PUDP: variants seen among roughly 807,000 people sequenced by gnomAD.
PUDP encodes the protein pseudouridine 5'-phosphatase, also known as pseudouridine-5'-phosphatase.
PUDP carries 8 observed loss-of-function variants against 9.4 expected under a neutral mutation model. The ratio of observed to expected loss-of-function variants is 0.85; its 90% CI spans 0.50 to 1.53. PUDP has a LOEUF of 1.53. Ranked by LOEUF, PUDP falls within the 40% of genes most tolerant of loss-of-function variation. The pLI is 0.00. For missense variants in PUDP, 188 were observed against 189.7 expected (o/e 0.99, Z 0.05); for synonymous variants, 99 against 80.7 (o/e 1.23, Z -1.22).
chrX:6,807,402 G>A lies in PUDP; in HGVS notation c.*248-100936C>T, dbSNP rs139966515. On this transcript the variant is annotated intron_variant and NMD_transcript_variant, in intron 3 of 3. Coordinates refer to the PUDP transcript ENST00000655425. ...CTCTTTCCCTGATAACCAAAGTACC[G>A]ACCTAAATTAAATTGCTGACCGCAT... Among the ~76,000 whole-genome samples the A allele has an allele frequency of 3.8e-3, 420 of 111,770 alleles. 2 individuals are homozygous for A. Among genetic ancestry groups the A allele is most frequent in the African/African-American group, 0.013 (389 of 30,760 alleles).
intron 3 of PUDP, among the ~76,000 whole-genome samples, chrX:6,848,245 C>T (rs1278875066): frequency 8.9e-6 from 1 of 111,919 alleles, no homozygotes; most frequent in East Asian, 2.8e-4. Flanking sequence ...GAACTGTAGG[C>T]AGCCAGTTGC....
At chrX:6,792,630 T>C (rs1445939367) in intron 3 of PUDP, among the ~76,000 whole-genome samples, 1 of 111,916 alleles carries the variant, frequency 8.9e-6, no homozygotes, top group African/African-American at 3.2e-5. Flanking sequence ...GGTTTACTCC[T>C]ATTAGATCCC....
At chrX:6,984,643 C>CA (rs1470223273) in intron 1 of PUDP, among the ~76,000 whole-genome samples, 1 of 111,496 alleles carries the variant, frequency 9.0e-6, no homozygotes, top group Non-Finnish European at 1.9e-5. Context: ...CCTCCTGGTA[C>CA]ATTAATTAGA....
chrX:6,732,068 G>C (rs1296784008), intron 3 of PUDP, among the ~76,000 whole-genome samples: 1 of 111,701 alleles, frequency 9.0e-6, no homozygotes, highest in Non-Finnish European at 1.9e-5. Context: ...GGAATAGTTT[G>C]ATCCCTTTAT....
At chrX:7,045,792 C>T (rs1325167835), downstream of PUDP, among the ~76,000 whole-genome samples, 2 of 111,716 alleles carry the variant, frequency 1.8e-5, no homozygotes, top group Non-Finnish European at 3.8e-5. Flanking sequence ...AAAACCTGAA[C>T]GGTAGCTAGA....
rs777774891 is a variant in PUDP, at chrX:6,944,398, C to T, written c.*247+32735G>A. Among the ~76,000 whole-genome samples the T allele has an allele frequency of 4.5e-5, 5 of 111,493 alleles. No homozygotes were observed. In the East Asian group the frequency reaches 1.4e-3, roughly 32 times the overall value. On this transcript the variant is annotated intron_variant and NMD_transcript_variant, in intron 3 of 3. Transcript: ENST00000655425. Reference sequence around the variant, plus strand: ...ATCTTTACAGCAGTGTGAAAATGAACTAATACATGGAATGATTCCACATTA... The same window carrying T: ...ATCTTTACAGCAGTGTGAAAATGAATTAATACATGGAATGATTCCACATTA...
chrX:6,941,963 A>G (rs1928405806), intron 3 of PUDP, among the ~76,000 whole-genome samples: 1 of 111,967 alleles, frequency 8.9e-6, no homozygotes, highest in South Asian at 3.7e-4. Flanking sequence ...AAAGTCAAAT[A>G]CTGCATGTTC....
intron 3 of PUDP, among the ~76,000 whole-genome samples, chrX:6,751,074 G>A (rs1461672899): frequency 9.1e-6 from 1 of 109,500 alleles, no homozygotes; most frequent in Non-Finnish European, 1.9e-5. Flanking sequence ...CCGGGGAGGC[G>A]GAGCTTGCAG....
chrX:6,776,984 T>C (rs893286666), intron 3 of PUDP, among the ~76,000 whole-genome samples: 172 of 112,742 alleles, frequency 1.5e-3, no homozygotes, highest in African/African-American at 5.0e-3. Context: ...ATCTTTATGC[T>C]GTGTTGGCCA....
At chrX:6,899,096 C>A (rs7887854) in intron 3 of PUDP, among the ~76,000 whole-genome samples, 1 of 112,150 alleles carries the variant, frequency 8.9e-6, no homozygotes, top group Non-Finnish European at 1.9e-5. Flanking sequence ...ATCTGTCAAT[C>A]GCTCAGTGTG....
At position 7,093,023 on chromosome X, in the gene PUDP, T is replaced by C. The variant is rs1392527366; in HGVS notation, c.280+12597A>G. Among the ~76,000 whole-genome samples, 5 of 112,498 alleles carry C rather than the reference T, an allele frequency of 4.4e-5. No individual in the cohort carries two copies. The South Asian group carries it at 1.5e-3, about 33-fold the overall frequency. On this transcript the variant is annotated intron_variant, in intron 2 of 3. Transcript: ENST00000381077. ...AACACCTACAATATAAAATGTACTG[T>C]TTTAATGATTTCTCAGTGTACAATT...
intron 3 of PUDP, among the ~76,000 whole-genome samples, chrX:6,822,752 T>A (rs1473857078): frequency 9.3e-6 from 1 of 107,479 alleles, no homozygotes; most frequent in Non-Finnish European, 1.9e-5. Flanking sequence ...GTTTGTTACA[T>A]AGGCAAATCT....
intron 2 of PUDP, among the ~76,000 whole-genome samples, chrX:7,094,857 C>T (rs1439930091): frequency 2.7e-5 from 3 of 111,687 alleles, no homozygotes; most frequent in Non-Finnish European, 5.6e-5. Context: ...TTCCTTTTCG[C>T]TTGTTGTGTG....
At chrX:6,764,882 A>C (rs1925265904) in intron 3 of PUDP, among the ~76,000 whole-genome samples, 1 of 111,858 alleles carries the variant, frequency 8.9e-6, no homozygotes, top group Non-Finnish European at 1.9e-5. Context: ...TAAATGTAAA[A>C]TAAATATAAG....
intron 3 of PUDP, among the ~76,000 whole-genome samples, chrX:6,822,311 G>C: frequency 8.9e-6 from 1 of 112,157 alleles, no homozygotes; most frequent in South Asian, 3.7e-4. Context: ...GACAGGTCTT[G>C]TTAAAGTTCC....
At chrX:6,723,304 A>C (rs1924695689), upstream of PUDP, among the ~76,000 whole-genome samples, 1 of 106,326 alleles carries the variant, frequency 9.4e-6, no homozygotes, top group African/African-American at 3.4e-5. Context: ...GCATGGTGGC[A>C]CATGCCTGTA....
intron 2 of PUDP, among the ~76,000 whole-genome samples, chrX:7,082,424 G>C (rs1931125692): frequency 8.9e-6 from 1 of 112,431 alleles, no homozygotes; most frequent in Admixed American, 9.4e-5. Context: ...AACATTCTCT[G>C]TACTACCTAA....
At chrX:6,792,711 T>C (rs754026028) in intron 3 of PUDP, among the ~76,000 whole-genome samples, 18 of 112,384 alleles carry the variant, frequency 1.6e-4, no homozygotes, top group South Asian at 7.4e-4. Context: ...AAATGGACAG[T>C]TTTTCCTGTT....
intron 1 of PUDP, among the ~76,000 whole-genome samples, chrX:6,993,586 A>T (rs7887550): frequency 0.032 from 3,584 of 111,896 alleles, 153 homozygotes; most frequent in African/African-American, 0.11. Flanking sequence ...CTTTATATTC[A>T]GATAGAGGCA....
Sources: gnomAD v4.1 joint callset for allele counts (sites outside exome capture counted in the v4.1 genomes callset) on GRCh38, gnomAD v4.1.1 for gene constraint, MANE v1.5 for transcripts, NCBI Gene and HGNC (gene_info 2026-07-23, HGNC 2026-07-21) for gene names.